The following ARHGEF6 variants were observed in gnomAD, a reference collection of about 807,000 sequenced individuals.
ARHGEF6 encodes the protein rho guanine nucleotide exchange factor 6.
A neutral mutation model predicts 70.3 loss-of-function variants in ARHGEF6; 9 were observed. The ratio of observed to expected loss-of-function variants is 0.13; its 90% CI spans 0.08 to 0.22. ARHGEF6 has a LOEUF of 0.22. Among genes scored for constraint, ARHGEF6 ranks in the 10% least tolerant of loss-of-function variants. ARHGEF6 has a pLI of 1.00. For missense variants in ARHGEF6, 470 were observed against 563.0 expected (o/e 0.83, Z 1.67); for synonymous variants, 201 against 207.8 (o/e 0.97, Z 0.28).
intron 1 of ARHGEF6, among the ~76,000 whole-genome samples, chrX:136,780,468 C>A (rs762791702): frequency 1.8e-5 from 2 of 112,127 alleles, no homozygotes; most frequent in East Asian, 5.6e-4. Context: ...TGAGTGTTCT[C>A]CTTGTCCCTT....
At chrX:136,688,083 G>T in intron 10 of ARHGEF6, 92 bp from the exon 11 acceptor site, 3 of 656,259 alleles carry the variant, frequency 4.6e-6, no homozygotes, top group Admixed American at 4.6e-5. Flanking sequence ...TGGCCACAAA[G>T]ATAGCAAGAG....
chrX:136,758,566 T>C (rs1207014071), intron 2 of ARHGEF6, among the ~76,000 whole-genome samples: 1 of 110,609 alleles, frequency 9.0e-6, no homozygotes, highest in Non-Finnish European at 1.9e-5. Context: ...ACTGGAAAAG[T>C]AGAAAAAGGC....
rs377510796 is a variant in ARHGEF6, at chrX:136,685,604, CAAAAAAAA to C, written c.1392+65_1392+72del. ...CCTGAGTGACAGAACAAGACTCCGT[CAAAAAAAA>C]AAAAAAAAAAGGAAGAAAAATACGA... On this transcript the variant is annotated intron_variant, in intron 12 of 21. Coordinates refer to ENST00000250617, the MANE Select transcript of ARHGEF6 (RefSeq NM_004840.3). 3.5e-5 allele frequency: 33 copies of C among 934,446 alleles called. 1 individual carries two copies. In the Admixed American group the frequency reaches 8.4e-4, roughly 24 times the overall value. 77.0% of individuals were successfully genotyped at this position (934,446 alleles called of 1,213,427 possible).
intron 20 of ARHGEF6, among the ~76,000 whole-genome samples, chrX:136,670,528 A>C (rs1354319457): frequency 9.0e-6 from 1 of 111,640 alleles, no homozygotes; most frequent in African/African-American, 3.3e-5. Flanking sequence ...TTCATCCTGC[A>C]TACCTGAGAT....
intron 5 of ARHGEF6, among the ~76,000 whole-genome samples, chrX:136,733,825 C>A (rs890189224): frequency 8.0e-5 from 9 of 111,981 alleles, no homozygotes; most frequent in African/African-American, 2.6e-4. Context: ...TATGTCCTGA[C>A]AAGAGCCTGT....
chrX:136,690,228 T>A (rs2076444961), intron 10 of ARHGEF6, among the ~76,000 whole-genome samples: 1 of 111,631 alleles, frequency 9.0e-6, no homozygotes, highest in Non-Finnish European at 1.9e-5. Context: ...TTTTGCTCTA[T>A]CTCCCACAAT....
chrX:136,686,607 T>C (rs1294648444), intron 11 of ARHGEF6, among the ~76,000 whole-genome samples: 1 of 76,926 alleles, frequency 1.3e-5, no homozygotes, highest in Non-Finnish European at 2.3e-5. Context: ...TATATATATA[T>C]ATATATATAT....
chrX:136,734,897 C>T (rs757794671), intron 5 of ARHGEF6, among the ~76,000 whole-genome samples: 14 of 111,341 alleles, frequency 1.3e-4, no homozygotes, highest in Non-Finnish European at 2.3e-4. Flanking sequence ...TAATATTAAC[C>T]GATGCAGAAA....
chrX:136,735,609 A>G (rs2076977779), intron 5 of ARHGEF6, among the ~76,000 whole-genome samples: 2 of 111,856 alleles, frequency 1.8e-5, no homozygotes, highest in Non-Finnish European at 3.8e-5. Flanking sequence ...AAGAATTCCA[A>G]TGGATTGTTC....
intron 2 of ARHGEF6, among the ~76,000 whole-genome samples, chrX:136,751,028 G>T (rs2077145397): frequency 9.0e-6 from 1 of 110,855 alleles, no homozygotes; most frequent in Non-Finnish European, 1.9e-5. Context: ...GTAGAAATGG[G>T]GTTTCATCAT....
intron 9 of ARHGEF6, among the ~76,000 whole-genome samples, chrX:136,694,939 T>C (rs1044902819): frequency 2.7e-5 from 3 of 111,862 alleles, no homozygotes; most frequent in Non-Finnish European, 5.6e-5. Flanking sequence ...CATACAATTT[T>C]AAGGCTGGAT....
At chrX:136,673,328 G>A (rs1230013846) in intron 19 of ARHGEF6, among the ~76,000 whole-genome samples, 1 of 111,561 alleles carries the variant, frequency 9.0e-6, no homozygotes, top group Non-Finnish European at 1.9e-5. Context: ...TGAATGACTG[G>A]CTGAATGCAG....
At chrX:136,696,338 C>T (rs993801463) in intron 9 of ARHGEF6, among the ~76,000 whole-genome samples, 3 of 111,733 alleles carry the variant, frequency 2.7e-5, no homozygotes, top group African/African-American at 3.3e-5. Context: ...TTAGGCCAGG[C>T]GCAGTGGCTC....
chrX:136,740,910 G>A (rs143907220), intron 5 of ARHGEF6, among the ~76,000 whole-genome samples: 2,346 of 111,954 alleles, frequency 0.021, 27 homozygotes, highest in Non-Finnish European at 0.032. Context: ...TCGATTGAAA[G>A]ATGTAGTGAG....
chrX:136,678,102 C>T (rs1395618399), intron 16 of ARHGEF6, 146 bp from the exon 17 acceptor site: 3 of 549,450 alleles, frequency 5.5e-6, no homozygotes, highest in African/African-American at 2.3e-5. Context: ...TCACATTTCC[C>T]ACATTAGTTT....
chrX:136,695,361 A>G lies in ARHGEF6; in HGVS notation c.1047-4613T>C, dbSNP rs974342840. Among the ~76,000 whole-genome samples, 7 of 112,769 alleles carry G rather than the reference A, an allele frequency of 6.2e-5. No individual in the cohort carries two copies. The Admixed American group carries it at 6.5e-4, about 11-fold the overall frequency. On this transcript the variant is annotated intron_variant, in intron 9 of 21. Transcript: ENST00000250617. Reference sequence around the variant, plus strand: ...AAAATTCTCAAAAACACCGTTAACTAAAATTAAACAGGGCATTATACTTCA... The same window carrying G: ...AAAATTCTCAAAAACACCGTTAACTGAAATTAAACAGGGCATTATACTTCA...
chrX:136,688,975 T>A (rs5975769), intron 10 of ARHGEF6, among the ~76,000 whole-genome samples: 6,281 of 111,062 alleles, frequency 0.057, 472 homozygotes, highest in African/African-American at 0.19. Flanking sequence ...AGGGGATATG[T>A]CCTTTGGAAC....
chrX:136,772,582 T>G lies in ARHGEF6; in HGVS notation c.249+6832A>C, dbSNP rs2077371367. ...AAACAAAAATGTCTAATTAATAAAT[T>G]TTTGTGGGCCAGGCACAGTGGCTTA... On this transcript the variant is annotated intron_variant, in intron 2 of 21. Transcript: ENST00000250617. 3.6e-5 allele frequency among the ~76,000 whole-genome samples: 4 copies of G among 112,411 alleles called. No individual in the cohort carries two copies. The South Asian group carries it at 1.5e-3, about 41-fold the overall frequency.
chrX:136,677,809 A>G, intron 17 of ARHGEF6, 127 bp downstream of exon 17: 1 of 516,875 alleles, frequency 1.9e-6, no homozygotes, highest in Middle Eastern at 3.7e-4. Flanking sequence ...TCAAAATTGC[A>G]TCTTCATATT....
Sources: gnomAD v4.1 joint callset for allele counts (sites outside exome capture counted in the v4.1 genomes callset) on GRCh38, gnomAD v4.1.1 for gene constraint, MANE v1.5 for transcripts, NCBI Gene and HGNC (gene_info 2026-07-23, HGNC 2026-07-21) for gene names.